The following TMC6 variants were observed in gnomAD, a reference collection of about 807,000 sequenced individuals.
The protein encoded by TMC6 is transmembrane channel like 6.
In TMC6, 71 loss-of-function variants were observed where a neutral mutation model predicts 95.4. That is an observed-to-expected ratio of 0.74 (90% CI 0.61 to 0.91). The LOEUF is 0.91. Ranked by LOEUF, TMC6 falls within the 40% of genes least tolerant of loss-of-function variation. The probability of loss-of-function intolerance (pLI) is 0.00; values close to 1 mark genes in which losing one functional copy is unlikely to be tolerated. For synonymous variants in TMC6, 514 were observed against 483.1 expected (o/e 1.06, Z -0.84); for missense variants, 1,074 against 1,079.1 (o/e 1.00, Z 0.07).
rs912989789 is a variant in TMC6 at position 78,118,977 on chromosome 17, G to T, written c.1881C>A (p.Val627=). The change falls in exon 15 of 20, where the codon GTC becomes GTA. Residue 627 remains valine, a synonymous_variant. Transcript: ENST00000590602. The part of the protein sequence containing the change: ...QIIKLLLVFY[V]KKTSLLANCQ... ...CAGGCCTTGGCAGCCTCACCTTCTT[G>T]ACATAGAAGACGAGCAGCAGCTTGA... is the stretch of plus-strand genomic sequence containing the variant. 1.2e-6 allele frequency: 2 copies of T among 1,602,004 alleles called. No homozygotes were observed. The highest frequency in any genetic ancestry group is 1.3e-5 in the African/African-American group (1 of 74,662).
rs1193517614 is a variant in TMC6, at chr17:78,117,531, G to A, written c.2135C>T (p.Pro712Leu). 12 of 1,603,658 alleles carry A rather than the reference G, an allele frequency of 7.5e-6. No homozygotes were observed. Among genetic ancestry groups the A allele is most frequent in the Admixed American group, 1.7e-5 (1 of 58,878 alleles). The change falls in exon 17 of 20, where the codon CCC (proline) becomes CTC (leucine). Residue 712 changes from proline (P) to leucine (L), a missense_variant. Transcript: ENST00000590602. ...TTCCATCAGGTACCGGTGCACCCAG[G>A]GCAGCCAGGAGACCCTGGGGCCTGC... ...EAAGPRVSWL[P>L]WVHRYLMENT...
chr17:78,125,520 C>T (rs756640020), intron 5 of TMC6, among the ~76,000 whole-genome samples: 1 of 152,262 alleles, frequency 6.6e-6, no homozygotes, highest in Non-Finnish European at 1.5e-5. Flanking sequence ...CCAAGCACTC[C>T]AAGGCGCTTG....
chr17:78,124,750 G>A lies in TMC6; in HGVS notation c.665C>T (p.Ser222Phe). ...CCACGGCATCAGGGCCTGCAGGGCG[G>A]AGAGCAGCGCCAGGCCCAGGCTGTG... ...ALHSLGLALLSALQALMPWRY... is the reference protein window; with the variant it reads ...ALHSLGLALLFALQALMPWRY... The change falls in exon 8 of 20, where the codon TCC (serine) becomes TTC (phenylalanine). Residue 222 changes from serine (S) to phenylalanine (F), a missense_variant. By Grantham distance (155) the Ser-to-Phe change is radical. Transcript: ENST00000590602. 1.3e-6 allele frequency: 2 copies of A among 1,584,954 alleles called. No individual in the cohort carries two copies. Among genetic ancestry groups the A allele is most frequent in the Non-Finnish European group, 1.7e-6 (2 of 1,166,238 alleles).
chr17:78,125,292 A>G, intron 5 of TMC6, 29 bp from the exon 6 acceptor site: 1 of 1,543,096 alleles, frequency 6.5e-7, no homozygotes. Context: ...GGTCCTGCCC[A>G]TCCCCAAGTG....
Position 78,124,052 on chromosome 17 carries a change from G to C in TMC6, c.1019C>G (p.Pro340Arg), listed in dbSNP as rs1480012656. The C allele has an allele frequency of 6.2e-7, 1 of 1,613,554 alleles. No individual in the cohort carries two copies. The highest frequency in any genetic ancestry group is 2.2e-5 in the East Asian group (1 of 44,906). Reference protein sequence around the residue: ...PRVGGLPYNMPLAYLSTVGVS... With the variant: ...PRVGGLPYNMRLAYLSTVGVS... The stretch of plus-strand genomic sequence containing the variant: ...GCCCACAGTGGAGAGGTAGGCCAGG[G>C]GCATGTTGTAGGGCAGGCCACCCAC... The change falls in exon 9 of 20, where the codon CCC becomes CGC. Residue 340 changes from proline (P) to arginine (R), a missense_variant. By Grantham distance (103) the Pro-to-Arg change is moderately radical. Transcript: ENST00000590602.
At chr17:78,131,444 C>T, upstream of TMC6, 1 of 1,196,984 alleles carries the variant, frequency 8.4e-7, no homozygotes, top group South Asian at 1.3e-5. Context: ...CAGGCCCCGA[C>T]GCCGGCGCAG....
At chr17:78,115,273 CCCCG>C (rs1309386605) in intron 18 of TMC6, among the ~76,000 whole-genome samples, 1 of 152,230 alleles carries the variant, frequency 6.6e-6, no homozygotes, top group Non-Finnish European at 1.5e-5. Flanking sequence ...ACTGGCTGCA[CCCCG>C]CCCTGCCCTC....
Position 78,119,095 on chromosome 17 carries a change from C to T in TMC6, c.1812-49G>A, listed in dbSNP as rs2074278716. On this transcript the variant is annotated intron_variant, in intron 14 of 19. Transcript: ENST00000590602. ...GGGCTGCTCCAGTGCCCTCCCCTCC[C>T]CGAGATCAGGCTGGTTCCAGACCAC... 6 of 1,546,848 alleles carry T rather than the reference C, an allele frequency of 3.9e-6. No homozygotes were observed. The African/African-American group carries it at 6.8e-5, about 18-fold the overall frequency.
upstream of TMC6, chr17:78,131,556 C>CCGG (rs1568011121): frequency 1.3e-6 from 2 of 1,539,392 alleles, no homozygotes; most frequent in Non-Finnish European, 1.7e-6. Context: ...CACCGGCAGC[C>CCGG]CGGCGCCCCA....
chr17:78,126,366 C>T lies in TMC6; in HGVS notation c.182G>A (p.Gly61Glu). 6.3e-7 allele frequency: 1 copy of T among 1,592,704 alleles called. No individual in the cohort carries two copies. Among genetic ancestry groups the T allele is most frequent in the South Asian group, 1.1e-5 (1 of 89,678 alleles). Residue 61 changes from glycine to glutamate, a missense_variant and splice_region_variant, in exon 4 of 20, where the codon GGA becomes GAA. By Grantham distance (98) the Gly-to-Glu change is moderately conservative. Coordinates refer to ENST00000590602, the MANE Select transcript of TMC6 (RefSeq NM_001127198.5). Reference protein sequence around the residue: ...ELQQREREVTGSSQQTLWRPE... With the variant: ...ELQQREREVTESSQQTLWRPE... Reference sequence around the variant, plus strand: ...CCGCCAGAGTGTCTGCTGGCTACTTCCTACAAAGCAAGAAAGACTCACCAG... The same window carrying T: ...CCGCCAGAGTGTCTGCTGGCTACTTTCTACAAAGCAAGAAAGACTCACCAG...
chr17:78,121,819 G>C lies in TMC6; in HGVS notation c.1228-108C>G. The C allele has an allele frequency of 7.1e-7, 1 of 1,404,686 alleles. No homozygotes were observed. The highest frequency in any genetic ancestry group is 9.5e-7 in the Non-Finnish European group (1 of 1,054,066). 87.0% of individuals were successfully genotyped at this position (1,404,686 alleles called of 1,614,324 possible). A position where few individuals can be genotyped will look rare whatever the true frequency, so the allele number is the denominator to read the frequency against. On this transcript the variant is annotated intron_variant, in intron 10 of 19. Transcript: ENST00000590602. The surrounding 1 kb of genome is among the most constrained non-coding windows in gnomAD (Gnocchi z 5.6). ...ACACATGAGACACACCAGGAGGCTT[G>C]AACCAGGACAGAGGGCCAGTTCCCC...
At position 78,125,282 on chromosome 17, in the gene TMC6, G is replaced by A. The variant is rs111502767; in HGVS notation, c.431-19C>T. 6.4e-7 allele frequency: 1 copy of A among 1,552,636 alleles called. No individual in the cohort carries two copies. On this transcript the variant is annotated intron_variant, in intron 5 of 19. Coordinates refer to ENST00000590602, the MANE Select transcript of TMC6 (RefSeq NM_001127198.5). ...TGCTTCTCTGCGAGAGGGAGAGGGA[G>A]GTCCTGCCCATCCCCAAGTGCCCCT... is the stretch of plus-strand genomic sequence containing the variant.
Position 78,125,175 on chromosome 17 carries a change from A to G in TMC6, c.519T>C (p.Ala173=). 6.4e-7 allele frequency: 1 copy of G among 1,574,070 alleles called. No individual in the cohort carries two copies. Residue 173 remains alanine (A), a synonymous_variant, in exon 6 of 20, where the codon GCT becomes GCC. Transcript: ENST00000590602. The part of the protein sequence containing the change: ...HMLRGMPLSL[A]EKRSLREKSR... ...CTGCTCACCGCAGGCTGCGTTTCTC[A>G]GCCAGGCTTAAGGGCATCCCGCGAA...
chr17:78,117,004 C>T (rs978255280), intron 18 of TMC6, among the ~76,000 whole-genome samples: 3 of 152,236 alleles, frequency 2.0e-5, no homozygotes, highest in Non-Finnish European at 2.9e-5. Flanking sequence ...GGGCCACACC[C>T]GGGGGCTGAA....
At chr17:78,131,234 C>T (rs531132629), upstream of TMC6, 1 of 409,698 alleles carries the variant, frequency 2.4e-6, no homozygotes, top group Non-Finnish European at 4.5e-6. Flanking sequence ...TTGCCTGTGC[C>T]GGTCCAGACT....
In TMC6 at chr17:78,126,560, C is replaced by T. The variant is rs1334016486; in HGVS notation, c.145G>A (p.Gly49Arg). ...QEQSQCTAQE[G>R]LELQQREREV... ...CGCTCTCTCTGCTGCAGCTCCAGCC[C>T]CTCCTGGGCCGTGCACTGGCTCTGC... The change falls in exon 3 of 20, where the codon GGG becomes AGG. Residue 49 changes from glycine to arginine, a missense_variant. Physicochemically the swap from Gly to Arg is moderately radical, Grantham distance 125. Transcript: ENST00000590602. 4 of 1,613,680 alleles carry T rather than the reference C, an allele frequency of 2.5e-6. No homozygotes were observed. The highest frequency in any genetic ancestry group is 3.3e-5 in the Admixed American group (2 of 60,008).
intron 2 of TMC6, 23 bp from the exon 3 acceptor site, chr17:78,126,671 G>T (rs754786061): frequency 1.2e-6 from 2 of 1,612,514 alleles, no homozygotes; most frequent in Non-Finnish European, 1.7e-6. Flanking sequence ...TTGGCGGGGG[G>T]GTCAGGCTCC....
At chr17:78,128,783 C>T (rs1206260207), upstream of TMC6, 1 of 132,108 alleles carries the variant, frequency 7.6e-6, no homozygotes, top group Non-Finnish European at 1.6e-5. This position sits in a 1 kb window ranked among gnomAD's most constrained non-coding sequence, Gnocchi z 4.0. Context: ...AGCCGCACCT[C>T]CCGGCCCACG....
intron 15 of TMC6, chr17:78,118,197 T>C: frequency 1.8e-6 from 1 of 569,158 alleles, no homozygotes; most frequent in Non-Finnish European, 3.1e-6. Context: ...ACACACCACC[T>C]CCCTCAGTCC....
Sources: allele counts gnomAD v4.1 joint callset (sites outside exome capture counted in the v4.1 genomes callset), GRCh38; gene constraint gnomAD v4.1.1; non-coding constraint Gnocchi (gnomAD v3.1); transcripts MANE v1.5; gene names NCBI Gene and HGNC (gene_info 2026-07-23, HGNC 2026-07-21).